LRP1B: variants seen among roughly 807,000 people sequenced by gnomAD.
LRP1B encodes the protein low-density lipoprotein receptor-related protein 1B.
In LRP1B, 217 loss-of-function variants were observed where a neutral mutation model predicts 556.6. The ratio of observed to expected loss-of-function variants is 0.39; its 90% CI spans 0.35 to 0.44. The LOEUF is 0.44. Ranked by LOEUF, LRP1B falls within the 20% of genes least tolerant of loss-of-function variation. LRP1B has a pLI of 1.00. For synonymous variants in LRP1B, 2,047 were observed against 1,865.8 expected, an observed-to-expected ratio of 1.10 and a Z score of -2.50; for missense variants, 5,053 against 5,620.8, an observed-to-expected ratio of 0.90 and a Z score of 3.23.
Position 140,577,256 on chromosome 2 carries a change from G to A in LRP1B, c.7194+21375C>T, listed in dbSNP as rs142600631. On this transcript the variant is annotated intron_variant, in intron 43 of 90. Coordinates refer to ENST00000389484, the MANE Select transcript of LRP1B (RefSeq NM_018557.3). ...TCCCAGCACTTTGGGAGGCTGAGGC[G>A]GGCAAATCACAAGGTCAAGAGATCC... is the stretch of plus-strand genomic sequence containing the variant. Among the ~76,000 whole-genome samples the A allele has an allele frequency of 5.4e-3, 823 of 151,878 alleles. 6 individuals are homozygous for A. The highest frequency in any genetic ancestry group is 0.013 in the African/African-American group (545 of 41,410).
chr2:141,963,757 G>A (rs531756593), intron 1 of LRP1B, among the ~76,000 whole-genome samples: 27 of 147,612 alleles, frequency 1.8e-4, no homozygotes, highest in African/African-American at 6.0e-4. Context: ...AATCAGGCAG[G>A]AGAAGGAAAT....
intron 1 of LRP1B, among the ~76,000 whole-genome samples, chr2:141,983,709 G>A (rs1187418938): frequency 1.3e-5 from 2 of 152,106 alleles, no homozygotes; most frequent in Non-Finnish European, 2.9e-5. Context: ...GGCAGGTGGG[G>A]ATGGGGAAAC....
intron 43 of LRP1B, among the ~76,000 whole-genome samples, chr2:140,549,409 T>C (rs1178043741): frequency 1.3e-5 from 2 of 152,176 alleles, no homozygotes; most frequent in African/African-American, 4.8e-5. Context: ...TGGTATCAAA[T>C]GTATGCTTTT....
intron 15 of LRP1B, 35 bp downstream of exon 15, chr2:141,005,300 G>A (rs766710776): frequency 5.4e-5 from 87 of 1,601,008 alleles, no homozygotes; most frequent in African/African-American, 1.7e-4. Context: ...GAAAGAGCCC[G>A]ATAAACAAAT....
intron 2 of LRP1B, among the ~76,000 whole-genome samples, chr2:141,660,647 C>A (rs1690179656): frequency 6.6e-6 from 1 of 152,122 alleles, no homozygotes; most frequent in Non-Finnish European, 1.5e-5. Flanking sequence ...GCAACTCCAG[C>A]CAGAGTTTTA....
chr2:140,308,250 ATTAT>A (rs1684147997), intron 83 of LRP1B, among the ~76,000 whole-genome samples: 4 of 151,768 alleles, frequency 2.6e-5, no homozygotes, highest in Admixed American at 1.3e-4. Context: ...TTATGGAAAC[ATTAT>A]TTATTGATAT....
At position 140,378,201 on chromosome 2, in the gene LRP1B, G is replaced by A. The variant is rs1364764908; in HGVS notation, c.10617C>T (p.Asp3539=). The A allele has an allele frequency of 2.5e-6, 4 of 1,613,372 alleles. No homozygotes were observed. Among genetic ancestry groups the A allele is most frequent in the Non-Finnish European group, 3.4e-6 (4 of 1,179,482 alleles). ...CTACCTCATCAGAGCCATCTGCACAGTCAAAATCTCCATCACACCAAAACC... is the reference window on the plus strand; with the variant it reads ...CTACCTCATCAGAGCCATCTGCACAATCAAAATCTCCATCACACCAAAACC... ...SSRFWCDGDF[D]CADGSDERNC... The change falls in exon 68 of 91, where the codon GAC becomes GAT. Residue 3539 remains aspartate (D), a synonymous_variant. Transcript: ENST00000389484.
intron 66 of LRP1B, among the ~76,000 whole-genome samples, chr2:140,427,887 CG>C (rs1338337872): frequency 2.0e-5 from 3 of 152,122 alleles, no homozygotes; most frequent in Non-Finnish European, 2.9e-5. Flanking sequence ...CTTCCTCACA[CG>C]GGGTCCGGCT....
intron 1 of LRP1B, among the ~76,000 whole-genome samples, chr2:142,013,038 CAG>C (rs1340985584): frequency 6.6e-6 from 1 of 152,148 alleles, no homozygotes; most frequent in Admixed American, 6.5e-5. Context: ...TGGTAGGAAA[CAG>C]AGTGAATAGA....
intron 37 of LRP1B, among the ~76,000 whole-genome samples, chr2:140,710,733 GGAGAAAACT>G (rs1687001700): frequency 6.6e-6 from 1 of 151,912 alleles, no homozygotes; most frequent in African/African-American, 2.4e-5. Context: ...GACTATCAGT[GGAGAAAACT>G]GTCCTGGAGA....
chr2:140,358,735 A>T (rs1682360042), intron 73 of LRP1B, 86 bp downstream of exon 73: 6 of 1,416,376 alleles, frequency 4.2e-6, no homozygotes, highest in Non-Finnish European at 5.9e-6. Flanking sequence ...TCCACATAAG[A>T]AATGTATTTT....
At chr2:140,246,439 T>A (rs1050513339) in intron 87 of LRP1B, among the ~76,000 whole-genome samples, 17 of 151,380 alleles carry the variant, frequency 1.1e-4, no homozygotes, top group African/African-American at 4.1e-4. Context: ...TCATTTCAGG[T>A]TGTCAGAAAC....
chr2:141,537,158 T>C (rs1043110077), intron 2 of LRP1B, among the ~76,000 whole-genome samples: 16 of 152,114 alleles, frequency 1.1e-4, no homozygotes, highest in African/African-American at 3.9e-4. Flanking sequence ...TTAACTTCTT[T>C]GAGTACAGCA....
At chr2:141,127,104 G>A (rs777777189) in intron 7 of LRP1B, among the ~76,000 whole-genome samples, 11 of 151,100 alleles carry the variant, frequency 7.3e-5, no homozygotes, top group African/African-American at 2.2e-4. Context: ...GTGAGAACAC[G>A]CGGTGTTTGG....
intron 3 of LRP1B, among the ~76,000 whole-genome samples, chr2:141,471,468 CA>C (rs1682471711): frequency 6.6e-6 from 1 of 152,076 alleles, no homozygotes; most frequent in African/African-American, 2.4e-5. Context: ...AGATCTTGAA[CA>C]TACAATACTT....
At chr2:141,208,876 CAAAAAAAAAAAAAAAAAAAAAAAAAAA>C (rs57659094) in intron 6 of LRP1B, among the ~76,000 whole-genome samples, 12 of 65,486 alleles carry the variant, frequency 1.8e-4, no homozygotes, top group African/African-American at 4.1e-4. Flanking sequence ...GATTCCGTCT[CAAAAAAAAAAAAAAAAAAAAAAAAAAA>C]AAAAAAAAAA....
chr2:140,723,150 C>T (rs76096514), intron 35 of LRP1B, among the ~76,000 whole-genome samples: 8,845 of 152,182 alleles, frequency 0.058, 355 homozygotes, highest in Admixed American at 0.1. Flanking sequence ...AAGATACTTG[C>T]TTTTTTGATG....
intron 67 of LRP1B, among the ~76,000 whole-genome samples, chr2:140,380,939 T>C (rs72896235): frequency 0.037 from 5,636 of 152,292 alleles, 112 homozygotes; most frequent in South Asian, 0.066. Context: ...AGAGATTTGC[T>C]GGGAAAAGCT....
intron 7 of LRP1B, among the ~76,000 whole-genome samples, chr2:141,166,923 G>A (rs568577873): frequency 8.8e-4 from 133 of 151,972 alleles, no homozygotes; most frequent in African/African-American, 2.8e-3. Flanking sequence ...ACAGTGCAGA[G>A]TATTAGCAAA....
Sources: allele counts gnomAD v4.1 joint callset (sites outside exome capture counted in the v4.1 genomes callset), GRCh38; gene constraint gnomAD v4.1.1; transcripts MANE v1.5; gene names NCBI Gene and HGNC (gene_info 2026-07-23, HGNC 2026-07-21).